The following CDKAL1 variants were observed in gnomAD, a reference collection of about 807,000 sequenced individuals.
CDKAL1 encodes threonylcarbamoyladenosine tRNA methylthiotransferase.
A neutral mutation model predicts 68.2 loss-of-function variants in CDKAL1; 32 were observed. The ratio of observed to expected loss-of-function variants is 0.47; its 90% CI spans 0.35 to 0.63. CDKAL1 has a LOEUF of 0.63. Among genes scored for constraint, CDKAL1 ranks in the 30% least tolerant of loss-of-function variants. CDKAL1 has a pLI of 0.00. For synonymous variants in CDKAL1, 234 were observed against 244.3 expected, an observed-to-expected ratio of 0.96 and a Z score of 0.39; for missense variants, 606 against 696.7, an observed-to-expected ratio of 0.87 and a Z score of 1.47.
intron 11 of CDKAL1, among the ~76,000 whole-genome samples, chr6:21,034,704 G>T (rs1306083926): frequency 6.6e-6 from 1 of 152,150 alleles, no homozygotes; most frequent in East Asian, 1.9e-4. Flanking sequence ...AGACTTGTTC[G>T]TGTGAATATA....
chr6:20,771,497 C>T (rs1336160965), intron 7 of CDKAL1, among the ~76,000 whole-genome samples: 2 of 152,202 alleles, frequency 1.3e-5, no homozygotes, highest in Non-Finnish European at 2.9e-5. Context: ...TGCTTCCCAT[C>T]TCTTCTGTCA....
At chr6:21,161,644 T>C (rs531188723) in intron 13 of CDKAL1, among the ~76,000 whole-genome samples, 1 of 152,342 alleles carries the variant, frequency 6.6e-6, no homozygotes, top group South Asian at 2.1e-4. Context: ...TATTTTTAAC[T>C]ATACACATAA....
At chr6:21,010,886 A>G (rs1356596189) in intron 11 of CDKAL1, among the ~76,000 whole-genome samples, 2 of 152,014 alleles carry the variant, frequency 1.3e-5, no homozygotes, top group Non-Finnish European at 2.9e-5. Context: ...GATCGAGACC[A>G]TCCTGGCTAA....
chr6:20,907,066 T>C (rs962863169), intron 9 of CDKAL1, among the ~76,000 whole-genome samples: 9 of 152,174 alleles, frequency 5.9e-5, no homozygotes, highest in African/African-American at 1.2e-4. Flanking sequence ...TTCTCAGGGA[T>C]TGAGAGTAGA....
At chr6:21,007,917 T>C (rs1767818360) in intron 11 of CDKAL1, among the ~76,000 whole-genome samples, 1 of 152,180 alleles carries the variant, frequency 6.6e-6, no homozygotes, top group Non-Finnish European at 1.5e-5. Flanking sequence ...CATTTTCCTC[T>C]AGCACTGGAG....
chr6:20,586,822 T>C (rs576433947), intron 4 of CDKAL1, among the ~76,000 whole-genome samples: 10 of 152,132 alleles, frequency 6.6e-5, no homozygotes, highest in African/African-American at 2.4e-4. Context: ...TGTTCTGAGG[T>C]TTACAAAGGC....
intron 11 of CDKAL1, among the ~76,000 whole-genome samples, chr6:21,053,165 C>CT (rs1770635107): frequency 6.6e-6 from 1 of 152,166 alleles, no homozygotes; most frequent in Non-Finnish European, 1.5e-5. Context: ...CCAGACAAGA[C>CT]TGATTTGCTT....
At chr6:20,944,159 G>T (rs901395084) in intron 9 of CDKAL1, among the ~76,000 whole-genome samples, 1 of 152,220 alleles carries the variant, frequency 6.6e-6, no homozygotes, top group African/African-American at 2.4e-5. Flanking sequence ...CCTGGAAAAT[G>T]CCTCCAGATA....
At chr6:20,817,029 C>T (rs866724700) in intron 8 of CDKAL1, among the ~76,000 whole-genome samples, 3 of 152,052 alleles carry the variant, frequency 2.0e-5, no homozygotes, top group South Asian at 2.1e-4. Context: ...TTATGCACTG[C>T]GCTATGTTGC....
At chr6:21,156,490 A>G (rs1308453526) in intron 13 of CDKAL1, among the ~76,000 whole-genome samples, 1 of 151,350 alleles carries the variant, frequency 6.6e-6, no homozygotes, top group Admixed American at 6.6e-5. Flanking sequence ...AACACTAGTT[A>G]TCTTTAGCAG....
intron 9 of CDKAL1, among the ~76,000 whole-genome samples, chr6:20,878,947 C>T (rs541341959): frequency 1.2e-4 from 18 of 149,950 alleles, no homozygotes; most frequent in African/African-American, 4.2e-4. Context: ...GGCATGGTGG[C>T]GGGCGCCTGT....
chr6:21,089,767 G>A (rs1168655862), intron 12 of CDKAL1, among the ~76,000 whole-genome samples: 1 of 152,214 alleles, frequency 6.6e-6, no homozygotes, highest in African/African-American at 2.4e-5. Context: ...AAGGAGGCCA[G>A]GTGGTCAAGA....
At chr6:20,944,177 G>C (rs967520038) in intron 9 of CDKAL1, among the ~76,000 whole-genome samples, 2 of 152,172 alleles carry the variant, frequency 1.3e-5, no homozygotes, top group African/African-American at 4.8e-5. Flanking sequence ...ATAGTAATAT[G>C]GGAACTCATG....
intron 4 of CDKAL1, among the ~76,000 whole-genome samples, chr6:20,609,291 T>TCTCCTTCTCCTTCTTCTCCTTCTC: frequency 7.0e-6 from 1 of 143,024 alleles, no homozygotes. Context: ...TTCTCCTTCT[T>TCTCCTTCTCCTTCTTCTCCTTCTC]CTCCTTCTCC....
chr6:21,101,710 C>A (rs1187906436), intron 12 of CDKAL1, among the ~76,000 whole-genome samples: 1 of 150,446 alleles, frequency 6.6e-6, no homozygotes, highest in Non-Finnish European at 1.5e-5. Flanking sequence ...CTGAATTATC[C>A]TTTTTTCCCC....
At position 20,940,874 on chromosome 6, in the gene CDKAL1, A is replaced by T. The variant is rs531685308; in HGVS notation, c.743-14545A>T. Among the ~76,000 whole-genome samples, 13 of 152,276 alleles carry T rather than the reference A, an allele frequency of 8.5e-5. No homozygotes were observed. The Middle Eastern group carries it at 0.01, about 120-fold the overall frequency. On this transcript the variant is annotated intron_variant, in intron 9 of 15. Coordinates refer to ENST00000274695, the MANE Select transcript of CDKAL1 (RefSeq NM_017774.3). The stretch of plus-strand genomic sequence containing the variant: ...GAGAGGCCAAGGCGGGCAGATCACG[A>T]GGTCAGGAGATCAAGACCATCCTGG...
At chr6:20,690,490 T>G (rs1770822574) in intron 5 of CDKAL1, among the ~76,000 whole-genome samples, 3 of 152,192 alleles carry the variant, frequency 2.0e-5, no homozygotes, top group Non-Finnish European at 4.4e-5. Flanking sequence ...TCCATTAGCC[T>G]TACTACCGCA....
chr6:21,117,048 T>G (rs1421715862), intron 13 of CDKAL1, among the ~76,000 whole-genome samples: 1 of 152,176 alleles, frequency 6.6e-6, no homozygotes. Context: ...CCAGTTAAGA[T>G]GTATCCCCAT....
intron 2 of CDKAL1, among the ~76,000 whole-genome samples, chr6:20,537,813 G>A (rs7753956): frequency 2.3e-4 from 35 of 151,732 alleles, no homozygotes; most frequent in Admixed American, 9.2e-4. Flanking sequence ...TAGCTATTAC[G>A]CTGCTTTCCT....
Sources: allele counts gnomAD v4.1 joint callset (sites outside exome capture counted in the v4.1 genomes callset), GRCh38; gene constraint gnomAD v4.1.1; transcripts MANE v1.5; gene names NCBI Gene and HGNC (gene_info 2026-07-23, HGNC 2026-07-21).